Variants in TMEM164 observed in about 807,000 individuals in gnomAD.
The protein encoded by TMEM164 is RP13-360B22.2.
Under a neutral mutation model 18.8 loss-of-function variants are expected in TMEM164, and 4 were observed. That is an observed-to-expected ratio of 0.21 (90% CI 0.10 to 0.49). TMEM164 has a LOEUF of 0.49. Ranked by LOEUF, TMEM164 falls within the 20% of genes least tolerant of loss-of-function variation. The probability of loss-of-function intolerance (pLI) is 0.98; values close to 1 mark genes in which losing one functional copy is unlikely to be tolerated. For missense variants in TMEM164, 108 were observed against 239.9 expected (o/e 0.45, Z 3.63); for synonymous variants, 86 against 101.7 (o/e 0.85, Z 0.93).
At chrX:110,018,937 C>G (rs887652566) in intron 2 of TMEM164, among the ~76,000 whole-genome samples, 1 of 112,214 alleles carries the variant, frequency 8.9e-6, no homozygotes. Flanking sequence ...ATCATCATGT[C>G]TTGAGAGCAG....
intron 4 of TMEM164, among the ~76,000 whole-genome samples, chrX:110,118,444 G>C (rs538582487): frequency 1.8e-5 from 2 of 111,574 alleles, no homozygotes; most frequent in South Asian, 7.5e-4. Context: ...AATAGACACA[G>C]AGAGATTTGT....
At chrX:110,162,370 G>A (rs1344602845) in intron 5 of TMEM164, among the ~76,000 whole-genome samples, 1 of 112,300 alleles carries the variant, frequency 8.9e-6, no homozygotes, top group African/African-American at 3.2e-5. Context: ...GATCCTCATG[G>A]ATGAAGGTGG....
chrX:110,075,243 G>T (rs1480576079), intron 3 of TMEM164, among the ~76,000 whole-genome samples: 3 of 111,247 alleles, frequency 2.7e-5, no homozygotes, highest in African/African-American at 9.8e-5. Flanking sequence ...TTACATTCTT[G>T]ATTTGATTCT....
At chrX:110,096,838 A>G (rs1043989545) in intron 3 of TMEM164, among the ~76,000 whole-genome samples, 3 of 111,235 alleles carry the variant, frequency 2.7e-5, no homozygotes, top group Non-Finnish European at 3.8e-5. Context: ...ACTTTCTTAT[A>G]TGTGAATTCT....
chrX:110,014,255 G>T (rs776785561), intron 2 of TMEM164, among the ~76,000 whole-genome samples: 1 of 111,052 alleles, frequency 9.0e-6, no homozygotes, highest in South Asian at 3.8e-4. Context: ...GCCTGTTGTT[G>T]CAATAAGATG....
chrX:110,015,738 G>C (rs73636930), intron 2 of TMEM164, among the ~76,000 whole-genome samples: 7,422 of 111,276 alleles, frequency 0.067, 603 homozygotes, highest in African/African-American at 0.23. Flanking sequence ...ATTTCCTGGA[G>C]CCCCAGCCCC....
chrX:110,171,348 C>A, intron 5 of TMEM164, 72 bp from the exon 6 acceptor site: 1 of 775,491 alleles, frequency 1.3e-6, no homozygotes, highest in Non-Finnish European at 1.9e-6. Flanking sequence ...ACCTCAGTAC[C>A]TGCACCCTCA....
At chrX:110,113,284 G>T (rs535093682) in intron 4 of TMEM164, among the ~76,000 whole-genome samples, 4 of 112,073 alleles carry the variant, frequency 3.6e-5, no homozygotes, top group African/African-American at 1.3e-4. Context: ...AGAAAAGCTG[G>T]GAATGTCTCC....
intron 3 of TMEM164, among the ~76,000 whole-genome samples, chrX:110,069,586 T>TA (rs1451022145): frequency 1.1e-5 from 1 of 95,067 alleles, no homozygotes. Context: ...TTTTTTTTTT[T>TA]AATTATTTTT....
intron 5 of TMEM164, among the ~76,000 whole-genome samples, chrX:110,153,796 A>G (rs1401893679): frequency 2.7e-5 from 3 of 111,565 alleles, no homozygotes; most frequent in Non-Finnish European, 5.7e-5. Context: ...TTTTCAGCTC[A>G]TCAGCTATCA....
chrX:110,172,880 T>G (rs1430986513), intron 6 of TMEM164, among the ~76,000 whole-genome samples: 1 of 112,052 alleles, frequency 8.9e-6, no homozygotes, highest in African/African-American at 3.2e-5. Context: ...CTTGATTGAT[T>G]GCAGTTACGT....
At chrX:110,068,140 G>A (rs1285892398) in intron 3 of TMEM164, among the ~76,000 whole-genome samples, 1 of 112,806 alleles carries the variant, frequency 8.9e-6, no homozygotes, top group Non-Finnish European at 1.9e-5. Context: ...CAGAGGAAGG[G>A]AACAGGAAAT....
At chrX:110,088,973 T>G (rs1033671561) in intron 3 of TMEM164, among the ~76,000 whole-genome samples, 2 of 111,733 alleles carry the variant, frequency 1.8e-5, no homozygotes, top group Non-Finnish European at 3.8e-5. Flanking sequence ...CTTTTTACTT[T>G]ATCCAAGTGA....
At chrX:110,078,983 T>C (rs2065713099) in intron 3 of TMEM164, among the ~76,000 whole-genome samples, 1 of 112,088 alleles carries the variant, frequency 8.9e-6, no homozygotes, top group Non-Finnish European at 1.9e-5. Flanking sequence ...CCCTAAAGAA[T>C]GCAATTTAAT....
At chrX:110,119,849 G>A (rs1189689501) in intron 4 of TMEM164, among the ~76,000 whole-genome samples, 1 of 111,912 alleles carries the variant, frequency 8.9e-6, no homozygotes, top group Non-Finnish European at 1.9e-5. Context: ...GTTGATGTTA[G>A]TCTTTAGAGC....
chrX:110,004,904 T>G (rs1932594583), intron 2 of TMEM164, among the ~76,000 whole-genome samples: 1 of 112,373 alleles, frequency 8.9e-6, no homozygotes. Flanking sequence ...TTTCTTTACC[T>G]CATCGACTTC....
intron 3 of TMEM164, among the ~76,000 whole-genome samples, chrX:110,101,665 G>A (rs892792447): frequency 2.8e-4 from 29 of 104,538 alleles, no homozygotes; most frequent in Non-Finnish European, 2.9e-4. Flanking sequence ...CTGCAGCCTC[G>A]ACCTCCTGGG....
At chrX:110,034,743 T>G (rs1364464024) in intron 2 of TMEM164, among the ~76,000 whole-genome samples, 2 of 105,956 alleles carry the variant, frequency 1.9e-5, no homozygotes, top group Non-Finnish European at 3.9e-5. Flanking sequence ...GGACTATAAA[T>G]CATGCTGCTA....
chrX:110,085,726 G>A (rs2147903980), intron 3 of TMEM164, among the ~76,000 whole-genome samples: 1 of 111,336 alleles, frequency 9.0e-6, no homozygotes, highest in Non-Finnish European at 1.9e-5. Context: ...CAGATGCTCT[G>A]AACCAGATAA....
Sources: gnomAD v4.1 joint callset for allele counts (sites outside exome capture counted in the v4.1 genomes callset) on GRCh38, gnomAD v4.1.1 for gene constraint, MANE v1.5 for transcripts, NCBI Gene and HGNC (gene_info 2026-07-23, HGNC 2026-07-21) for gene names.